NALF1: variants seen among roughly 807,000 people sequenced by gnomAD.
NALF1 encodes the protein NALCN channel auxiliary factor 1.
In NALF1, 3 loss-of-function variants were observed where a neutral mutation model predicts 48.4. That is an observed-to-expected ratio of 0.06 (90% CI 0.03 to 0.16). NALF1 has a LOEUF of 0.16. Ranked by LOEUF, NALF1 falls within the 10% of genes least tolerant of loss-of-function variation. NALF1 has a pLI of 1.00. For missense variants in NALF1, 526 were observed against 571.5 expected (o/e 0.92, Z 0.81); for synonymous variants, 262 against 245.7 (o/e 1.07, Z -0.62).
intron 1 of NALF1, among the ~76,000 whole-genome samples, chr13:107,572,757 A>G (rs1167740121): frequency 6.6e-6 from 1 of 152,176 alleles, no homozygotes; most frequent in Non-Finnish European, 1.5e-5. Flanking sequence ...TAATTTATAA[A>G]ATGGCATATC....
At chr13:107,262,769 G>GCGCGCGCGCTCTCTCTCTCT (rs36027059) in intron 1 of NALF1, among the ~76,000 whole-genome samples, 2 of 144,036 alleles carry the variant, frequency 1.4e-5, no homozygotes, top group African/African-American at 2.7e-5. Flanking sequence ...ACCCACAGGC[G>GCGCGCGCGCTCTCTCTCTCT]CTCTCTCTCT....
intron 1 of NALF1, among the ~76,000 whole-genome samples, chr13:107,737,085 T>C (rs1427595794): frequency 8.5e-5 from 13 of 152,338 alleles, no homozygotes; most frequent in South Asian, 4.1e-4. Context: ...ATGTTCTTCT[T>C]TGATTCTGAA....
intron 1 of NALF1, among the ~76,000 whole-genome samples, chr13:107,536,287 G>A (rs1413809147): frequency 2.0e-5 from 3 of 149,686 alleles, no homozygotes; most frequent in Non-Finnish European, 4.4e-5. Context: ...AGAGTGAACA[G>A]GCAACCTACA....
intron 1 of NALF1, among the ~76,000 whole-genome samples, chr13:107,370,325 A>C (rs971766877): frequency 6.6e-6 from 1 of 152,200 alleles, no homozygotes; most frequent in African/African-American, 2.4e-5. Flanking sequence ...TGCTTTCTTC[A>C]CTTGGAAAGA....
chr13:107,213,045 G>A (rs1450029597), intron 1 of NALF1, among the ~76,000 whole-genome samples: 1 of 151,980 alleles, frequency 6.6e-6, no homozygotes, highest in Non-Finnish European at 1.5e-5. Context: ...CAGCCATAAA[G>A]TCTTAAGAAA....
chr13:107,556,326 T>C (rs1288886276), intron 1 of NALF1, among the ~76,000 whole-genome samples: 6 of 148,546 alleles, frequency 4.0e-5, no homozygotes, highest in East Asian at 1.9e-4. Context: ...CACATATATA[T>C]ATATACACAC....
chr13:107,288,509 C>G (rs989278888), intron 1 of NALF1, among the ~76,000 whole-genome samples: 2 of 149,508 alleles, frequency 1.3e-5, no homozygotes, highest in South Asian at 2.1e-4. Context: ...CGTGAGCCAC[C>G]GCGCCCAGCC....
At chr13:107,675,737 A>G (rs1426036141) in intron 1 of NALF1, among the ~76,000 whole-genome samples, 1 of 152,176 alleles carries the variant, frequency 6.6e-6, no homozygotes, top group Non-Finnish European at 1.5e-5. Context: ...GTATTAGCGC[A>G]TGTCAATTCT....
chr13:107,578,631 T>C (rs993026854), intron 1 of NALF1, among the ~76,000 whole-genome samples: 3 of 152,204 alleles, frequency 2.0e-5, no homozygotes, highest in Non-Finnish European at 4.4e-5. Context: ...ATATTACCTA[T>C]CAACTAGATT....
chr13:107,796,215 T>C (rs1878420899), intron 1 of NALF1, among the ~76,000 whole-genome samples: 1 of 152,210 alleles, frequency 6.6e-6, no homozygotes, highest in Non-Finnish European at 1.5e-5. Context: ...TCATGTGTTT[T>C]ATGTAGTTTG....
chr13:107,539,220 G>A (rs1306700751), intron 1 of NALF1, among the ~76,000 whole-genome samples: 2 of 151,890 alleles, frequency 1.3e-5, no homozygotes, highest in African/African-American at 2.4e-5. Context: ...CTGGAAACTG[G>A]GAAGTCCAAA....
intron 1 of NALF1, among the ~76,000 whole-genome samples, chr13:107,728,299 T>C (rs567425707): frequency 6.6e-6 from 1 of 152,260 alleles, no homozygotes; most frequent in South Asian, 2.1e-4. Context: ...CCATCAATGA[T>C]AGACTGGATA....
At chr13:107,508,883 T>C (rs1289584898) in intron 1 of NALF1, among the ~76,000 whole-genome samples, 1 of 152,138 alleles carries the variant, frequency 6.6e-6, no homozygotes, top group Non-Finnish European at 1.5e-5. Flanking sequence ...AATACTACGC[T>C]TTCCCTGCTA....
intron 1 of NALF1, among the ~76,000 whole-genome samples, chr13:107,453,496 C>G (rs567186927): frequency 6.6e-6 from 1 of 152,316 alleles, no homozygotes; most frequent in South Asian, 2.1e-4. Context: ...CACAGGGCAT[C>G]AAGTCCCAAG....
chr13:107,631,196 C>T (rs746060491), intron 1 of NALF1, among the ~76,000 whole-genome samples: 3 of 152,032 alleles, frequency 2.0e-5, no homozygotes, highest in Admixed American at 6.6e-5. Flanking sequence ...AGAGGTCCCA[C>T]TTTGTTGCCC....
intron 1 of NALF1, among the ~76,000 whole-genome samples, chr13:107,433,831 C>G (rs1488607788): frequency 6.6e-6 from 1 of 152,168 alleles, no homozygotes; most frequent in Admixed American, 6.5e-5. Flanking sequence ...TCTGCTGGAA[C>G]ACAGACCCAT....
intron 1 of NALF1, among the ~76,000 whole-genome samples, chr13:107,768,396 G>A (rs890320357): frequency 1.3e-5 from 2 of 152,020 alleles, no homozygotes; most frequent in East Asian, 1.9e-4. Context: ...CTCATTTTAA[G>A]GATTAGAAAT....
chr13:107,176,438 C>T (rs951616852), intron 2 of NALF1, among the ~76,000 whole-genome samples: 1 of 150,282 alleles, frequency 6.7e-6, no homozygotes, highest in African/African-American at 2.4e-5. Context: ...GTCAGGAGAT[C>T]GAGACCATCC....
At chr13:107,207,076 T>C (rs1398494226) in intron 2 of NALF1, among the ~76,000 whole-genome samples, 1 of 152,082 alleles carries the variant, frequency 6.6e-6, no homozygotes, top group Non-Finnish European at 1.5e-5. Flanking sequence ...AAAAGAAAAA[T>C]TGCTGGAGGC....
Sources: gnomAD v4.1 joint callset for allele counts (sites outside exome capture counted in the v4.1 genomes callset) on GRCh38, gnomAD v4.1.1 for gene constraint, MANE v1.5 for transcripts, NCBI Gene and HGNC (gene_info 2026-07-23, HGNC 2026-07-21) for gene names.